Variants in GSK3B observed in about 807,000 individuals in gnomAD.
GSK3B encodes glycogen synthase kinase-3 beta.
Under a neutral mutation model 56.4 loss-of-function variants are expected in GSK3B, and 15 were observed. The observed-to-expected ratio is 0.27, with a 90% CI of 0.18 to 0.41. GSK3B has a LOEUF of 0.41. Among genes scored for constraint, GSK3B ranks in the 10% least tolerant of loss-of-function variants. GSK3B has a pLI of 1.00. For missense variants in GSK3B, 300 were observed against 513.4 expected (o/e 0.58, Z 4.02); for synonymous variants, 181 against 188.9 (o/e 0.96, Z 0.34).
chr3:119,929,155 G>A (rs183643421), intron 3 of GSK3B, among the ~76,000 whole-genome samples: 138 of 152,126 alleles, frequency 9.1e-4, no homozygotes, highest in African/African-American at 3.0e-3. Context: ...AAAATGCAGA[G>A]ATCAATATTC....
intron 1 of GSK3B, among the ~76,000 whole-genome samples, chr3:120,030,983 TC>T (rs2057970794): frequency 6.6e-6 from 1 of 152,168 alleles, no homozygotes; most frequent in Non-Finnish European, 1.5e-5. Context: ...CCTAACAAAC[TC>T]TGTTCAATAC....
chr3:119,958,034 C>G lies in GSK3B; in HGVS notation c.283-10683G>C, dbSNP rs568249867. ...TGCTGAGGCGAGGACCTATACCCCC[C>G]CAAGTGTCAAGGGAGGGAAGTGACT... On this transcript the variant is annotated intron_variant, in intron 2 of 10. Transcript: ENST00000264235. Among the ~76,000 whole-genome samples, 9 of 152,244 alleles carry G rather than the reference C, an allele frequency of 5.9e-5. No individual in the cohort carries two copies. The South Asian group carries it at 8.3e-4, about 14-fold the overall frequency.
intron 9 of GSK3B, among the ~76,000 whole-genome samples, chr3:119,849,546 T>C (rs2055900383): frequency 6.6e-6 from 1 of 152,232 alleles, no homozygotes; most frequent in Admixed American, 6.5e-5. Flanking sequence ...TTATGGCCCA[T>C]GCTGTCCATT....
chr3:120,025,696 TAA>T (rs1335103003), intron 1 of GSK3B, among the ~76,000 whole-genome samples: 2 of 151,982 alleles, frequency 1.3e-5, no homozygotes, highest in Non-Finnish European at 2.9e-5. Context: ...AACTCAAGGA[TAA>T]AAAAGAGTCT....
chr3:119,910,507 T>C (rs1267062586), intron 6 of GSK3B, among the ~76,000 whole-genome samples: 1 of 152,222 alleles, frequency 6.6e-6, no homozygotes, highest in East Asian at 1.9e-4. Context: ...CATCTAAGCC[T>C]TCAGTGAGTT....
At chr3:119,889,584 T>TA (rs145340325) in intron 7 of GSK3B, among the ~76,000 whole-genome samples, 2,430 of 151,216 alleles carry the variant, frequency 0.016, 62 homozygotes, top group African/African-American at 0.056. Flanking sequence ...ATAGAAAAAA[T>TA]AAAAACCACT....
At chr3:120,028,859 A>C in intron 1 of GSK3B, 1 of 444,334 alleles carries the variant, frequency 2.3e-6, no homozygotes, top group Non-Finnish European at 4.2e-6. Context: ...GGCTGCTCAG[A>C]CGCAGGTTTG....
At chr3:119,941,085 G>A (rs997838460) in intron 3 of GSK3B, among the ~76,000 whole-genome samples, 11 of 148,118 alleles carry the variant, frequency 7.4e-5, no homozygotes, top group Admixed American at 2.0e-4. Flanking sequence ...GCTCGATCTC[G>A]GCTCACTGCA....
At chr3:120,028,383 C>A (rs1289379217) in intron 1 of GSK3B, among the ~76,000 whole-genome samples, 1 of 152,164 alleles carries the variant, frequency 6.6e-6, no homozygotes, top group East Asian at 1.9e-4. Context: ...AGTCCTTTAC[C>A]CAACAAACTA....
intron 1 of GSK3B, among the ~76,000 whole-genome samples, chr3:120,076,445 A>G (rs748097487): frequency 1.3e-5 from 2 of 152,204 alleles, no homozygotes; most frequent in East Asian, 1.9e-4. Flanking sequence ...GGCAAACCAT[A>G]TATCTGATAA....
rs1348707828 is a variant in GSK3B, at chr3:119,869,240, A to AAAAC, written c.910-5636_910-5635insGTTT. ...TTCCATCTCAAAAAAAAAAAAAAAA[A>AAAAC]AAAAAACATATATTCTTTGGCAGTC... On this transcript the variant is annotated intron_variant, in intron 8 of 10. Transcript: ENST00000264235. Among the ~76,000 whole-genome samples, 9 of 149,360 alleles carry AAAAC rather than the reference A, an allele frequency of 6.0e-5. 1 individual carries two copies. Among genetic ancestry groups the AAAAC allele is most frequent in the Non-Finnish European group, 1.3e-4 (9 of 67,688 alleles).
chr3:119,849,417 T>C (rs1005299956), intron 9 of GSK3B, among the ~76,000 whole-genome samples: 1 of 152,198 alleles, frequency 6.6e-6, no homozygotes, highest in Non-Finnish European at 1.5e-5. Flanking sequence ...ATGTGCTCGA[T>C]ACCTAAAATA....
chr3:120,015,689 A>T (rs925257485), intron 1 of GSK3B, among the ~76,000 whole-genome samples: 1 of 140,546 alleles, frequency 7.1e-6, no homozygotes, highest in Non-Finnish European at 1.5e-5. Flanking sequence ...ACTAGACATT[A>T]TTGGAATCAT....
intron 7 of GSK3B, among the ~76,000 whole-genome samples, chr3:119,901,946 T>A (rs1373198966): frequency 6.6e-6 from 1 of 152,026 alleles, no homozygotes; most frequent in African/African-American, 2.4e-5. Flanking sequence ...AGGGTTAGTT[T>A]CCCCCAGATA....
At chr3:119,898,593 C>T (rs771418156) in intron 7 of GSK3B, among the ~76,000 whole-genome samples, 3 of 151,942 alleles carry the variant, frequency 2.0e-5, no homozygotes, top group Non-Finnish European at 2.9e-5. Flanking sequence ...TAGTTTTTCC[C>T]GAAGGTACAA....
At chr3:119,955,672 G>A (rs2057206972) in intron 2 of GSK3B, among the ~76,000 whole-genome samples, 1 of 151,754 alleles carries the variant, frequency 6.6e-6, no homozygotes, top group South Asian at 2.1e-4. Context: ...TTGTTGTTTT[G>A]AGACAGAGTC....
In GSK3B at chr3:120,000,715, T is replaced by C. The variant is rs1431087877; in HGVS notation, c.282+1331A>G. Among the ~76,000 whole-genome samples, 4 of 150,180 alleles carry C rather than the reference T, an allele frequency of 2.7e-5. No individual in the cohort carries two copies. The South Asian group carries it at 8.4e-4, about 31-fold the overall frequency. ...GAGATGACATCTGAGCTTCCATGCATAGGCTCCCCTAATGAGGTACAGAAA... is the reference window on the plus strand; with the variant it reads ...GAGATGACATCTGAGCTTCCATGCACAGGCTCCCCTAATGAGGTACAGAAA... On this transcript the variant is annotated intron_variant, in intron 2 of 10. Transcript: ENST00000264235.
intron 10 of GSK3B, among the ~76,000 whole-genome samples, chr3:119,836,902 G>A (rs1300820473): frequency 7.2e-5 from 11 of 152,222 alleles, no homozygotes; most frequent in Middle Eastern, 3.4e-3. Context: ...CTTGGATGGA[G>A]GTAAAAAACT....
intron 2 of GSK3B, among the ~76,000 whole-genome samples, chr3:119,974,802 C>T (rs75074158): frequency 0.026 from 3,941 of 152,262 alleles, 175 homozygotes; most frequent in African/African-American, 0.089. Context: ...ATTAGAATGG[C>T]TAAAATCCAA....
Sources: gnomAD v4.1 joint callset for allele counts (sites outside exome capture counted in the v4.1 genomes callset) on GRCh38, gnomAD v4.1.1 for gene constraint, MANE v1.5 for transcripts, NCBI Gene and HGNC (gene_info 2026-07-23, HGNC 2026-07-21) for gene names.